The following CAPN9 variants were observed in gnomAD, a reference collection of about 807,000 sequenced individuals.
CAPN9 encodes the protein calpain-9.
A neutral mutation model predicts 92.8 loss-of-function variants in CAPN9; 81 were observed. The ratio of observed to expected loss-of-function variants is 0.87; its 90% CI spans 0.73 to 1.05. CAPN9 has a LOEUF of 1.05. Ranked by LOEUF, CAPN9 falls within the 50% of genes least tolerant of loss-of-function variation. The pLI, the probability that CAPN9 is intolerant of heterozygous loss-of-function variation, is 0.00. For missense variants in CAPN9, 848 were observed against 866.2 expected (o/e 0.98, Z 0.26); for synonymous variants, 304 against 328.0 (o/e 0.93, Z 0.79).
At chr1:230,762,542 T>C (rs549229929) in intron 3 of CAPN9, 111 bp from the exon 4 acceptor site, 1 of 1,282,024 alleles carries the variant, frequency 7.8e-7, no homozygotes, top group South Asian at 1.4e-5. Context: ...AAGCTGTCTA[T>C]GGGTAGCTTG....
intron 19 of CAPN9, among the ~76,000 whole-genome samples, chr1:230,800,220 T>TAAGA (rs1173295356): frequency 4.3e-5 from 1 of 23,098 alleles, no homozygotes; most frequent in African/African-American, 1.6e-4. Context: ...GAAAGAAAAA[T>TAAGA]AAGAAAGAAA....
At chr1:230,782,532 T>G (rs1667295294) in intron 11 of CAPN9, among the ~76,000 whole-genome samples, 1 of 152,212 alleles carries the variant, frequency 6.6e-6, no homozygotes, top group African/African-American at 2.4e-5. Flanking sequence ...CTGCTCCTCC[T>G]CTTAATATTA....
Position 230,795,041 on chromosome 1 carries a change from G to A in CAPN9, c.1871-122G>A, listed in dbSNP as rs935974503. The stretch of plus-strand genomic sequence containing the variant: ...GGTCTGGGGACCCCAGCTTTGAGGA[G>A]TGAAACAGTGGCTTCCTCTTCTGAG... On this transcript the variant is annotated intron_variant, in intron 17 of 19. Transcript: ENST00000271971. 4.1e-5 allele frequency: 28 copies of A among 679,026 alleles called. No homozygotes were observed. In the Admixed American group the frequency reaches 5.6e-4, roughly 14 times the overall value. The allele number at this position is 679,026 out of a possible 1,614,324, so 42.1% of individuals were successfully genotyped here.
At chr1:230,793,031 G>A in intron 17 of CAPN9, 103 bp downstream of exon 17, 1 of 855,416 alleles carries the variant, frequency 1.2e-6, no homozygotes. Context: ...CAGGAGGTGG[G>A]CCTCTGAGCC....
At chr1:230,768,042 AAATAAATAAAT>A (rs1666113605) in intron 5 of CAPN9, among the ~76,000 whole-genome samples, 1 of 119,034 alleles carries the variant, frequency 8.4e-6, no homozygotes, top group African/African-American at 2.8e-5. Flanking sequence ...ATAAATAAAT[AAATAAATAAAT>A]AAAAAATAAA....
At chr1:230,765,548 A>G (rs1665934077) in intron 4 of CAPN9, among the ~76,000 whole-genome samples, 1 of 151,886 alleles carries the variant, frequency 6.6e-6, no homozygotes, top group South Asian at 2.1e-4. Context: ...AATCCCAACT[A>G]CTCGGGAGGC....
chr1:230,791,248 G>A (rs998647532), intron 14 of CAPN9, among the ~76,000 whole-genome samples: 1 of 152,122 alleles, frequency 6.6e-6, no homozygotes, highest in Non-Finnish European at 1.5e-5. Context: ...ATAGTTATGA[G>A]GATGGTTCCA....
At chr1:230,779,862 A>C (rs192693792) in intron 9 of CAPN9, among the ~76,000 whole-genome samples, 2 of 152,180 alleles carry the variant, frequency 1.3e-5, no homozygotes, top group Non-Finnish European at 2.9e-5. Flanking sequence ...GTGGAAAAAA[A>C]ACTGATAGAA....
intron 13 of CAPN9, among the ~76,000 whole-genome samples, chr1:230,788,326 C>T (rs535981938): frequency 6.6e-6 from 1 of 152,306 alleles, no homozygotes; most frequent in Non-Finnish European, 1.5e-5. Flanking sequence ...TAGCTCTTTC[C>T]ACTGCTCAGC....
chr1:230,796,329 T>TATAAATAA (rs67443675), intron 18 of CAPN9, among the ~76,000 whole-genome samples: 188 of 142,258 alleles, frequency 1.3e-3, no homozygotes, highest in African/African-American at 1.9e-3. Flanking sequence ...ATCTCAAAAA[T>TATAAATAA]ATAAATAAAT....
In CAPN9 at chr1:230,780,229, G is replaced by T; in HGVS notation, c.1165G>T (p.Glu389Ter). Reference protein sequence around the residue: ...QIKLSLTEKDEGQEECSFLVA... With the variant: ...QIKLSLTEKD ...AAAATTGTCTCTGACTGAGAAAGAT[G>T]AGGGGCAGGAGGAGTGTAGTTTCCT... The change falls in exon 10 of 20, where the codon GAG becomes TAG. Residue 389 changes from glutamate (E) to a stop codon, truncating the protein, a stop_gained. Coordinates refer to ENST00000271971, the MANE Select transcript of CAPN9 (RefSeq NM_006615.3). LOFTEE classifies it high-confidence loss of function. 2 of 1,613,972 alleles carry T rather than the reference G, an allele frequency of 1.2e-6. No individual in the cohort carries two copies. The highest frequency in any genetic ancestry group is 1.7e-6 in the Non-Finnish European group (2 of 1,179,876).
chr1:230,780,961 G>A (rs575265543), intron 11 of CAPN9, among the ~76,000 whole-genome samples: 7 of 152,096 alleles, frequency 4.6e-5, no homozygotes, highest in African/African-American at 1.4e-4. Context: ...CACCTCCCAG[G>A]TTCAAGCAAT....
In CAPN9 at chr1:230,755,278, C is replaced by T. The variant is rs2102836993; in HGVS notation, c.214-59C>T. On this transcript the variant is annotated intron_variant, in intron 1 of 19. Coordinates refer to ENST00000271971, the MANE Select transcript of CAPN9 (RefSeq NM_006615.3). ...AAAGCAGAGAGACCCTGAGCCTACC[C>T]TTTCATAGTGGCTTGCAGCATGGCA... is the stretch of plus-strand genomic sequence containing the variant. 4 of 1,365,094 alleles carry T rather than the reference C, an allele frequency of 2.9e-6. No individual in the cohort carries two copies. In the South Asian group the frequency reaches 4.7e-5, roughly 16 times the overall value. 84.6% of individuals were successfully genotyped at this position (1,365,094 alleles called of 1,614,324 possible).
At chr1:230,771,123 C>A (rs1666363616) in intron 6 of CAPN9, among the ~76,000 whole-genome samples, 1 of 152,192 alleles carries the variant, frequency 6.6e-6, no homozygotes, top group Non-Finnish European at 1.5e-5. Context: ...GCTTCCTCTC[C>A]CCCCTACAAG....
At position 230,794,141 on chromosome 1, in the gene CAPN9, G is replaced by A. The variant is rs1031688409; in HGVS notation, c.1871-1022G>A. Among the ~76,000 whole-genome samples, 41 of 152,248 alleles carry A rather than the reference G, an allele frequency of 2.7e-4. No individual in the cohort carries two copies. The East Asian group carries it at 3.3e-3, about 12-fold the overall frequency. ...ACACCTCCTAGAAAGTGAACATGTA[G>A]ACAAAAATGAAAGGGGGAAAGAAAT... is the stretch of plus-strand genomic sequence containing the variant. On this transcript the variant is annotated intron_variant, in intron 17 of 19. Coordinates refer to ENST00000271971, the MANE Select transcript of CAPN9 (RefSeq NM_006615.3).
intron 1 of CAPN9, among the ~76,000 whole-genome samples, chr1:230,748,776 C>G (rs1365293200): frequency 6.6e-6 from 1 of 152,184 alleles, no homozygotes; most frequent in Non-Finnish European, 1.5e-5. Flanking sequence ...ACTACCTCCT[C>G]ACTATCTCCC....
In CAPN9 at chr1:230,790,146, A is replaced by T; in HGVS notation, c.1614A>T (p.Thr538=). The change falls in exon 14 of 20, where the codon ACA becomes ACT. Residue 538 remains threonine (T), a synonymous_variant. Coordinates refer to ENST00000271971, the MANE Select transcript of CAPN9 (RefSeq NM_006615.3). ...EQVAGEDMEV[T]AEELEYVLNA... ...CACTTCAACAGGACATGGAGGTGACAGCAGAGGAACTTGAGTATGTTTTAA... is the reference window on the plus strand; with the variant it reads ...CACTTCAACAGGACATGGAGGTGACTGCAGAGGAACTTGAGTATGTTTTAA... 6.2e-7 allele frequency: 1 copy of T among 1,614,028 alleles called. No homozygotes were observed. Among genetic ancestry groups the T allele is most frequent in the Non-Finnish European group, 8.5e-7 (1 of 1,179,856 alleles).
In CAPN9 at chr1:230,795,273, G is replaced by A. The variant is rs750817495; in HGVS notation, c.1981G>A (p.Ala661Thr). The A allele has an allele frequency of 1.3e-5, 21 of 1,604,964 alleles. No homozygotes were observed. In the South Asian group the frequency reaches 2.1e-4, roughly 16 times the overall value. ...CAACTGCCTGGTCCGGCTGGAGAAT[G>A]CGAGCCGTAAGTGTCCAGCGAGGCT... ...FLNCLVRLEN[A>T]SRVFQALSTK... Residue 661 changes from alanine (A) to threonine (T), a missense_variant, in exon 18 of 20, where the codon GCG becomes ACG. Ala to Thr is a moderately conservative substitution (Grantham distance 58). Coordinates refer to ENST00000271971, the MANE Select transcript of CAPN9 (RefSeq NM_006615.3).
intron 4 of CAPN9, among the ~76,000 whole-genome samples, chr1:230,763,227 A>G (rs1665758646): frequency 6.6e-6 from 1 of 152,224 alleles, no homozygotes; most frequent in South Asian, 2.1e-4. Context: ...TGACATATCG[A>G]TAAATAATCG....
Sources: allele counts gnomAD v4.1 joint callset (sites outside exome capture counted in the v4.1 genomes callset), GRCh38; gene constraint gnomAD v4.1.1; transcripts MANE v1.5; gene names NCBI Gene and HGNC (gene_info 2026-07-23, HGNC 2026-07-21).